PKNOX1: variants seen among roughly 807,000 people sequenced by gnomAD.
PKNOX1 encodes the protein PBX/knotted 1 homeobox 1.
A neutral mutation model predicts 51.9 loss-of-function variants in PKNOX1; 15 were observed. That is an observed-to-expected ratio of 0.29 (90% CI 0.19 to 0.45). PKNOX1 has a LOEUF of 0.45. PKNOX1 is among the 20% of genes least tolerant of loss of function. PKNOX1 has a pLI of 1.00. For synonymous variants in PKNOX1, 219 were observed against 211.1 expected (o/e 1.04, Z -0.32); for missense variants, 462 against 547.5 (o/e 0.84, Z 1.56).
intron 3 of PKNOX1, among the ~76,000 whole-genome samples, chr21:43,009,227 C>T (rs1979132655): frequency 6.6e-6 from 1 of 152,148 alleles, no homozygotes; most frequent in African/African-American, 2.4e-5. Flanking sequence ...GCGGTTGGAT[C>T]ATCTGAGGTC....
At chr21:43,008,704 G>A (rs1601290641) in intron 3 of PKNOX1, among the ~76,000 whole-genome samples, 1 of 152,060 alleles carries the variant, frequency 6.6e-6, no homozygotes, top group Non-Finnish European at 1.5e-5. Flanking sequence ...ACTTGAACCC[G>A]GTAGGCGGAG....
intron 7 of PKNOX1, among the ~76,000 whole-genome samples, chr21:43,019,084 CA>C (rs57172994): frequency 0.66 from 77,691 of 118,356 alleles, 23,455 homozygotes; most frequent in African/African-American, 0.71. Flanking sequence ...GACTCCATCT[CA>C]AAAAAAAAAA....
At chr21:42,997,880 T>C (rs1978581919) in intron 1 of PKNOX1, among the ~76,000 whole-genome samples, 1 of 152,152 alleles carries the variant, frequency 6.6e-6, no homozygotes, top group African/African-American at 2.4e-5. Context: ...GCGATTGGTT[T>C]GTTTATACAA....
intron 3 of PKNOX1, among the ~76,000 whole-genome samples, chr21:43,007,909 C>T (rs112637943): frequency 0.035 from 5,332 of 151,882 alleles, 134 homozygotes; most frequent in Middle Eastern, 0.061. Context: ...ACTAAAAATA[C>T]AAAAATTAGC....
At chr21:42,979,460 T>A (rs765516264) in intron 1 of PKNOX1, among the ~76,000 whole-genome samples, 1 of 152,156 alleles carries the variant, frequency 6.6e-6, no homozygotes, top group Admixed American at 6.5e-5. Context: ...GAGGTGCTTA[T>A]AGCCAGGCGC....
At chr21:42,995,529 T>TTAGCCAGGTATGGTGGCATGTGCCTA (rs373101973) in intron 1 of PKNOX1, among the ~76,000 whole-genome samples, 13,743 of 151,102 alleles carry the variant, frequency 0.091, 769 homozygotes, top group Non-Finnish European at 0.12. Context: ...AATGCAAAAA[T>TTAGCCAGGTATGGTGGCATGTGCCTA]TAGCCAGGTA....
intron 3 of PKNOX1, among the ~76,000 whole-genome samples, chr21:43,008,899 G>A (rs551372714): frequency 1.3e-5 from 2 of 152,292 alleles, no homozygotes; most frequent in Non-Finnish European, 2.9e-5. Context: ...ACGTGTACAT[G>A]AATTTTCATA....
At chr21:43,013,003 A>G in intron 4 of PKNOX1, 65 bp from the exon 5 acceptor site, 2 of 1,306,560 alleles carry the variant, frequency 1.5e-6, no homozygotes. Flanking sequence ...ACTGGTATGT[A>G]GGATCATGAT....
chr21:42,977,623 C>T (rs1196147205), intron 1 of PKNOX1, among the ~76,000 whole-genome samples: 1 of 144,086 alleles, frequency 6.9e-6, no homozygotes, highest in Non-Finnish European at 1.5e-5. Flanking sequence ...TCTCGGCTCA[C>T]TGCAACCTCC....
chr21:42,983,045 G>A (rs1238962031), intron 1 of PKNOX1, among the ~76,000 whole-genome samples: 1 of 152,062 alleles, frequency 6.6e-6, no homozygotes, highest in African/African-American at 2.4e-5. Context: ...CCTGACCTCA[G>A]ATGAGCTGCC....
chr21:42,991,931 G>T (rs2059089891), intron 1 of PKNOX1, among the ~76,000 whole-genome samples: 1 of 152,200 alleles, frequency 6.6e-6, no homozygotes, highest in Admixed American at 6.5e-5. Flanking sequence ...TGCTCTATCA[G>T]CCAAGCTGGA....
At chr21:42,998,214 C>G (rs1978594201) in intron 1 of PKNOX1, among the ~76,000 whole-genome samples, 1 of 152,148 alleles carries the variant, frequency 6.6e-6, no homozygotes, top group Non-Finnish European at 1.5e-5. Flanking sequence ...AAGAGAGAAG[C>G]ATGTGTGCAG....
Position 43,029,878 on chromosome 21 carries a change from A to G in PKNOX1, c.1100-12A>G. ...CTAATTTAAATAATGACACACCTTC[A>G]TCCTGCCGCAGGAGCTGTTGTCACC... is the stretch of plus-strand genomic sequence containing the variant. On this transcript the variant is annotated splice_polypyrimidine_tract_variant and intron_variant, in intron 10 of 10. Transcript: ENST00000291547. 1 of 1,608,434 alleles carries G rather than the reference A, an allele frequency of 6.2e-7. No homozygotes were observed. Among genetic ancestry groups the G allele is most frequent in the Non-Finnish European group, 8.5e-7 (1 of 1,175,204 alleles).
At chr21:43,001,833 G>A (rs370332442) in intron 1 of PKNOX1, among the ~76,000 whole-genome samples, 17 of 152,040 alleles carry the variant, frequency 1.1e-4, no homozygotes, top group South Asian at 6.2e-4. Flanking sequence ...AGTCGCAGGC[G>A]CCTGTAGTCC....
Position 43,021,387 on chromosome 21 carries a change from C to T in PKNOX1, c.805C>T (p.His269Tyr). 1.9e-6 allele frequency: 3 copies of T among 1,613,436 alleles called. No homozygotes were observed. The highest frequency in any genetic ancestry group is 1.1e-5 in the South Asian group (1 of 90,992). Reference protein sequence around the residue: ...SKNKRGVLPKHATNVMRSWLF... With the variant: ...SKNKRGVLPKYATNVMRSWLF... ...GAACAAGAGGGGCGTCCTGCCAAAG[C>T]ATGCCACGAACGTGATGCGGTCCTG... Residue 269 changes from histidine (H) to tyrosine (Y), a missense_variant, in exon 8 of 11, where the codon CAT becomes TAT. By Grantham distance (83) the His-to-Tyr change is moderately conservative. Around this residue, in one of 5 missense-constraint regions of PKNOX1, gnomAD observed 75 missense variants for 129.8 expected, o/e 0.58. Coordinates refer to ENST00000291547, the MANE Select transcript of PKNOX1 (RefSeq NM_004571.5). The surrounding 1 kb of genome is among the most constrained non-coding windows in gnomAD (Gnocchi z 4.6).
At chr21:43,009,877 G>A (rs1384227740) in intron 3 of PKNOX1, among the ~76,000 whole-genome samples, 176 bp from the exon 4 acceptor site, 1 of 152,158 alleles carries the variant, frequency 6.6e-6, no homozygotes, top group Non-Finnish European at 1.5e-5. Context: ...AGTTGACGGC[G>A]GCAATGCTGT....
intron 1 of PKNOX1, among the ~76,000 whole-genome samples, chr21:42,981,529 T>G (rs956495340): frequency 6.6e-6 from 1 of 152,128 alleles, no homozygotes; most frequent in South Asian, 2.1e-4. Context: ...CAGAGCAGCT[T>G]ATTTTATTTT....
At chr21:42,991,560 A>G (rs1039112728) in intron 1 of PKNOX1, among the ~76,000 whole-genome samples, 4 of 152,060 alleles carry the variant, frequency 2.6e-5, no homozygotes, top group Non-Finnish European at 5.9e-5. Context: ...TCCCGTCTCT[A>G]CTAAAAATTC....
chr21:42,986,788 C>G (rs994147116), intron 1 of PKNOX1, among the ~76,000 whole-genome samples: 1 of 152,156 alleles, frequency 6.6e-6, no homozygotes, highest in African/African-American at 2.4e-5. Flanking sequence ...CTGGATCTGA[C>G]TGTTGTGTTG....
Sources: allele counts gnomAD v4.1 joint callset (sites outside exome capture counted in the v4.1 genomes callset), GRCh38; gene constraint gnomAD v4.1.1; regional missense constraint gnomAD v4.1.1; non-coding constraint Gnocchi (gnomAD v3.1); transcripts MANE v1.5; gene names NCBI Gene and HGNC (gene_info 2026-07-23, HGNC 2026-07-21).